EML6: variants seen among roughly 807,000 people sequenced by gnomAD.
EML6 encodes the protein echinoderm microtubule-associated protein-like 6.
In EML6, 154 loss-of-function variants were observed where a neutral mutation model predicts 240.1. The observed-to-expected ratio is 0.64, with a 90% confidence interval of 0.56 to 0.73. EML6 has a LOEUF of 0.73. EML6 is among the 30% of genes least tolerant of loss of function. The probability of loss-of-function intolerance (pLI) is 0.00; values close to 1 mark genes in which losing one functional copy is unlikely to be tolerated. For missense variants in EML6, 2,964 were observed against 2,474.6 expected (o/e 1.20, Z -4.20); for synonymous variants, 1,148 against 899.0 (o/e 1.28, Z -4.95).
intron 2 of EML6, among the ~76,000 whole-genome samples, chr2:54,771,060 C>T (rs1474731343): frequency 6.6e-6 from 1 of 152,094 alleles, no homozygotes; most frequent in Non-Finnish European, 1.5e-5. Context: ...GCCTGGATGA[C>T]AATGTCAAGT....
intron 31 of EML6, among the ~76,000 whole-genome samples, chr2:54,953,421 G>A (rs1676078131): frequency 6.6e-6 from 1 of 152,112 alleles, no homozygotes. Context: ...ACAAATCATT[G>A]ACCTCACCAG....
chr2:54,901,605 C>G (rs892934505), intron 22 of EML6, among the ~76,000 whole-genome samples: 5 of 152,332 alleles, frequency 3.3e-5, no homozygotes, highest in African/African-American at 4.8e-5. Flanking sequence ...CACTCTCAAA[C>G]GTGTCTTGGT....
At chr2:54,753,526 C>T (rs919969152) in intron 2 of EML6, among the ~76,000 whole-genome samples, 4 of 152,012 alleles carry the variant, frequency 2.6e-5, no homozygotes, top group Admixed American at 6.6e-5. Flanking sequence ...GAGGAAGGCT[C>T]GACTGACCAT....
At chr2:54,912,044 C>CATCT (rs1673670193) in intron 25 of EML6, among the ~76,000 whole-genome samples, 1 of 152,246 alleles carries the variant, frequency 6.6e-6, no homozygotes, top group African/African-American at 2.4e-5. Flanking sequence ...GAGTGGCAGG[C>CATCT]ATCTGCCTCT....
Position 54,928,637 on chromosome 2 carries a change from A to G in EML6, c.3890A>G (p.Asp1297Gly). The G allele has an allele frequency of 6.4e-7, 1 of 1,552,162 alleles. No homozygotes were observed. Among genetic ancestry groups the G allele is most frequent in the Non-Finnish European group, 8.7e-7 (1 of 1,147,090 alleles). The stretch of plus-strand genomic sequence containing the variant: ...TCTGTTGTTTGAGGCTATGACAGCG[A>G]TGTTGCTAGAGAAAAGGCCATTGAC... ...DVEEDGGYDS[D>G]VAREKAIDYT... The change falls in exon 28 of 42, where the codon GAT becomes GGT. Residue 1297 changes from aspartate to glycine, a missense_variant. Coordinates refer to ENST00000356458, the MANE Select transcript of EML6 (RefSeq NM_001039753.4).
chr2:54,862,551 C>T (rs192218691), intron 12 of EML6, among the ~76,000 whole-genome samples: 86 of 151,964 alleles, frequency 5.7e-4, no homozygotes, highest in African/African-American at 1.9e-3. Flanking sequence ...CAACAACTTA[C>T]GTGTTACCAA....
chr2:54,859,663 A>G lies in EML6; in HGVS notation c.1787A>G (p.Glu596Gly). 1 of 1,549,682 alleles carries G rather than the reference A, an allele frequency of 6.5e-7. No individual in the cohort carries two copies. Among genetic ancestry groups the G allele is most frequent in the South Asian group, 1.2e-5 (1 of 83,312 alleles). Residue 596 changes from glutamate to glycine, a missense_variant, in exon 12 of 42, where the codon GAA (glutamate) becomes GGA (glycine). Glu to Gly is a moderately conservative substitution (Grantham distance 98). Transcript: ENST00000356458. ...GTTTTCCAGTGGAGGTTTATTCCAGAAGGTGTCAGCAACGGCATGCTGGAA... is the reference window on the plus strand; with the variant it reads ...GTTTTCCAGTGGAGGTTTATTCCAGGAGGTGTCAGCAACGGCATGCTGGAA... ...HSVFQWRFIP[E>G]GVSNGMLETA...
rs1672709674 is a variant in EML6 at position 54,895,393 on chromosome 2, T to C, written c.2975T>C (p.Leu992Pro). ...EIDKSGPMTLLVQGHMEGEVW... is the reference protein window; with the variant it reads ...EIDKSGPMTLPVQGHMEGEVW... ...GATAAGAGTGGCCCAATGACACTGC[T>C]TGTTCAGGTACTGTTTGTATGTATT... Residue 992 changes from leucine to proline, a missense_variant, in exon 21 of 42, where the codon CTT becomes CCT. Transcript: ENST00000356458. 1 of 1,551,950 alleles carries C rather than the reference T, an allele frequency of 6.4e-7. No individual in the cohort carries two copies. The highest frequency in any genetic ancestry group is 8.7e-7 in the Non-Finnish European group (1 of 1,146,930).
At chr2:54,863,923 C>G in intron 13 of EML6, 34 bp downstream of exon 13, 1 of 1,153,236 alleles carries the variant, frequency 8.7e-7, no homozygotes, top group Non-Finnish European at 1.3e-6. Flanking sequence ...AATTTGTAAC[C>G]CCAGAAGGGG....
intron 2 of EML6, among the ~76,000 whole-genome samples, chr2:54,784,290 T>A (rs1285308757): frequency 1.3e-5 from 2 of 152,178 alleles, no homozygotes; most frequent in Non-Finnish European, 2.9e-5. Context: ...TGTAAATTTT[T>A]AAATCAATTA....
chr2:54,845,322 C>T lies in EML6; in HGVS notation c.1049+1074C>T, dbSNP rs184748842. On this transcript the variant is annotated intron_variant, in intron 8 of 41. Transcript: ENST00000356458. ...CTTTTTTGTTTTTGTCTTTCTGTTA[C>T]TCTTGAATTTTCCCGCTTATTCAGA... is the stretch of plus-strand genomic sequence containing the variant. 5.3e-4 allele frequency among the ~76,000 whole-genome samples: 81 copies of T among 152,278 alleles called. 1 individual carries two copies. The highest frequency in any genetic ancestry group is 3.4e-3 in the Middle Eastern group (1 of 294).
intron 26 of EML6, among the ~76,000 whole-genome samples, chr2:54,928,101 C>T (rs1674653206): frequency 6.6e-6 from 1 of 152,158 alleles, no homozygotes; most frequent in South Asian, 2.1e-4. Flanking sequence ...TTCATTCCCT[C>T]AAAAATATAT....
intron 29 of EML6, 39 bp from the exon 30 acceptor site, chr2:54,950,611 T>TCCTC: frequency 1.3e-6 from 2 of 1,548,576 alleles, no homozygotes; most frequent in Non-Finnish European, 1.7e-6. Context: ...CTCCCTTCCT[T>TCCTC]CCTCTGAGGG....
At position 54,839,848 on chromosome 2, in the gene EML6, T is replaced by C. The variant is rs1234810231; in HGVS notation, c.848-4199T>C. ...GACTGGTTCATTAGTCTGGGCTGAGTTGGAAGGTTTTGGTCTTTGTTCCTG... is the reference window on the plus strand; with the variant it reads ...GACTGGTTCATTAGTCTGGGCTGAGCTGGAAGGTTTTGGTCTTTGTTCCTG... On this transcript the variant is annotated intron_variant, in intron 7 of 41. Transcript: ENST00000356458. Among the ~76,000 whole-genome samples, 8 of 59,020 alleles carry C rather than the reference T, an allele frequency of 1.4e-4. 1 individual carries two copies. In the East Asian group the frequency reaches 0.07, roughly 518 times the overall value. 38.7% of individuals were successfully genotyped at this position (59,020 alleles called of 152,430 possible). A position where few individuals can be genotyped will look rare whatever the true frequency, so the allele number is the denominator to read the frequency against.
chr2:54,850,397 A>G, intron 10 of EML6, 179 bp downstream of exon 10: 1 of 584,994 alleles, frequency 1.7e-6, no homozygotes, highest in East Asian at 2.8e-5. Flanking sequence ...CCTAAATAAC[A>G]GACATTCAAA....
In EML6 at chr2:54,950,794, A is replaced by G; in HGVS notation, c.4213+15A>G. ...CCTCTCCACAGGTAACCGGGGGTTA[A>G]AAAATACAGGTTTTTCTTTTAGCTG... On this transcript the variant is annotated intron_variant, in intron 30 of 41. Coordinates refer to ENST00000356458, the MANE Select transcript of EML6 (RefSeq NM_001039753.4). 1 of 1,545,790 alleles carries G rather than the reference A, an allele frequency of 6.5e-7. No individual in the cohort carries two copies. Among genetic ancestry groups the G allele is most frequent in the Non-Finnish European group, 8.7e-7 (1 of 1,144,946 alleles).
At chr2:54,918,304 A>G (rs1184224085) in intron 26 of EML6, among the ~76,000 whole-genome samples, 1 of 151,566 alleles carries the variant, frequency 6.6e-6, no homozygotes, top group Non-Finnish European at 1.5e-5. Context: ...AACTCAAGGA[A>G]CCTCCCCCTC....
intron 40 of EML6, 42 bp downstream of exon 40, chr2:54,968,323 T>C (rs533858890): frequency 5.2e-6 from 8 of 1,546,608 alleles, no homozygotes; most frequent in Non-Finnish European, 7.0e-6. Flanking sequence ...GTTCTCTGTT[T>C]GGCCGTCTGC....
intron 2 of EML6, among the ~76,000 whole-genome samples, chr2:54,751,082 A>G (rs144970944): frequency 9.3e-4 from 142 of 152,366 alleles, no homozygotes; most frequent in African/African-American, 3.4e-3. Flanking sequence ...AGATGAGTCC[A>G]GGAAACAATA....
Sources: gnomAD v4.1 joint callset for allele counts (sites outside exome capture counted in the v4.1 genomes callset) on GRCh38, gnomAD v4.1.1 for gene constraint, MANE v1.5 for transcripts, NCBI Gene and HGNC (gene_info 2026-07-23, HGNC 2026-07-21) for gene names.